SP140: variants seen among roughly 807,000 people sequenced by gnomAD.
SP140 encodes SP140 nuclear body protein, also known as nuclear body protein SP140.
SP140 carries 81 observed loss-of-function variants against 125.0 expected under a neutral mutation model. The ratio of observed to expected loss-of-function variants is 0.65; its 90% CI spans 0.54 to 0.78. The LOEUF (loss-of-function observed/expected upper bound fraction) is 0.78. SP140 is among the 30% of genes least tolerant of loss of function. SP140 has a pLI of 0.00. For synonymous variants in SP140, 312 were observed against 354.0 expected, an observed-to-expected ratio of 0.88 and a Z score of 1.33; for missense variants, 858 against 1,037.0, an observed-to-expected ratio of 0.83 and a Z score of 2.37.
chr2:230,215,256 C>T lies in SP140; in HGVS notation c.-91+1182C>T, dbSNP rs2044981770. 1.4e-5 allele frequency: 10 copies of T among 718,734 alleles called. No individual in the cohort carries two copies. In the Admixed American group the frequency reaches 2.7e-4, roughly 19 times the overall value. The allele number at this position is 718,734 out of a possible 1,614,324, so 44.5% of individuals were successfully genotyped here. A position where few individuals can be genotyped will look rare whatever the true frequency, so the allele number is the denominator to read the frequency against. On this transcript the variant is annotated intron_variant, in intron 3 of 4. Coordinates refer to the SP140 transcript ENST00000456542. Reference sequence around the variant, plus strand: ...TCAACATAAAATATATAGTCACATTCTCTAAGGTAGAGCGGTCACAGTTTT... The same window carrying T: ...TCAACATAAAATATATAGTCACATTTTCTAAGGTAGAGCGGTCACAGTTTT...
chr2:230,301,321 A>G (rs1228379346), intron 22 of SP140, among the ~76,000 whole-genome samples: 1 of 152,214 alleles, frequency 6.6e-6, no homozygotes, highest in African/African-American at 2.4e-5. Flanking sequence ...CAAAAAGATA[A>G]TCACTCAGGC....
intron 3 of SP140, among the ~76,000 whole-genome samples, chr2:230,240,564 A>G (rs1442423253): frequency 6.7e-6 from 1 of 149,330 alleles, no homozygotes; most frequent in Non-Finnish European, 1.5e-5. Flanking sequence ...TATAAAGTGT[A>G]TGACATTATT....
chr2:230,239,163 A>G, intron 3 of SP140: 2 of 674,748 alleles, frequency 3.0e-6, no homozygotes, highest in Non-Finnish European at 4.1e-6. Flanking sequence ...TTGTTTTCAT[A>G]TTATGATACA....
intron 3 of SP140, 133 bp from the exon 4 acceptor site, chr2:230,241,271 A>G (rs140739193): frequency 3.0e-6 from 2 of 658,744 alleles, no homozygotes. Flanking sequence ...AATGAAAAAA[A>G]GGGGAACAAG....
upstream of SP140, chr2:230,201,052 G>A (rs2043136044): frequency 9.8e-7 from 1 of 1,020,758 alleles, no homozygotes; most frequent in South Asian, 1.3e-5. Context: ...TGCACACTCT[G>A]AAGTTGAGTC....
chr2:230,203,096 T>A, upstream of SP140: 1 of 317,816 alleles, frequency 3.1e-6, no homozygotes, highest in South Asian at 3.0e-5. Context: ...CCTCTCCAGG[T>A]TCCCCCACGG....
At chr2:230,218,006 G>C (rs2148960903) in intron 3 of SP140, among the ~76,000 whole-genome samples, 1 of 152,326 alleles carries the variant, frequency 6.6e-6, no homozygotes, top group Non-Finnish European at 1.5e-5. Context: ...TCATGTCTCA[G>C]ACATGCGCCT....
At chr2:230,289,662 A>G (rs1349419331) in intron 18 of SP140, among the ~76,000 whole-genome samples, 1 of 152,142 alleles carries the variant, frequency 6.6e-6, no homozygotes, top group Non-Finnish European at 1.5e-5. Context: ...TTTGGTAGAG[A>G]TGGAGTTTCG....
intron 3 of SP140, among the ~76,000 whole-genome samples, chr2:230,240,465 T>G (rs1430815841): frequency 1.3e-5 from 2 of 152,102 alleles, no homozygotes. Context: ...TATAAATGAA[T>G]AATAAAAGGA....
chr2:230,310,390 T>A, intron 23 of SP140: 2 of 495,668 alleles, frequency 4.0e-6, no homozygotes, highest in Admixed American at 3.4e-5. Context: ...GGAAGCACGA[T>A]CTCATTGGGC....
chr2:230,305,612 G>A (rs936122801), intron 22 of SP140, among the ~76,000 whole-genome samples: 6 of 152,238 alleles, frequency 3.9e-5, no homozygotes, highest in Non-Finnish European at 8.8e-5. Context: ...TGAGCAGAGA[G>A]AGGTCCCAAG....
At chr2:230,278,857 A>G (rs910449739) in intron 15 of SP140, among the ~76,000 whole-genome samples, 4 of 152,062 alleles carry the variant, frequency 2.6e-5, no homozygotes, top group African/African-American at 7.2e-5. Flanking sequence ...CAGAGCAAGT[A>G]AGAAAGAAAG....
In SP140 at chr2:230,263,279, C is replaced by A. The variant is rs142644386; in HGVS notation, c.1241-6253C>A. On this transcript the variant is annotated intron_variant, in intron 12 of 26. Coordinates refer to ENST00000392045, the MANE Select transcript of SP140 (RefSeq NM_007237.5). ...TTTTGTCTAATATAAGAATAGCTAC[C>A]CCTGCTTGCTTTTGGTGTCCTTTTG... is the stretch of plus-strand genomic sequence containing the variant. 6.6e-3 allele frequency among the ~76,000 whole-genome samples: 998 copies of A among 152,158 alleles called. 9 individuals are homozygous for A. Among genetic ancestry groups the A allele is most frequent in the Non-Finnish European group, 9.2e-3 (628 of 67,986 alleles).
rs368447003 is a variant in SP140, at chr2:230,246,721, A to G, written c.742+781A>G. Among the ~76,000 whole-genome samples, 9 of 152,314 alleles carry G rather than the reference A, an allele frequency of 5.9e-5. No homozygotes were observed. In the East Asian group the frequency reaches 1.7e-3, roughly 29 times the overall value. ...ACAGAAAGCTAATTAGAGAGAACAG[A>G]TAGAGGCATGGAAATGAGCACCATG... On this transcript the variant is annotated intron_variant, in intron 7 of 26. Transcript: ENST00000392045.
At position 230,225,817 on chromosome 2, in the gene SP140, G is replaced by T. The variant is rs182651769; in HGVS notation, c.-28G>T. 6.7e-4 allele frequency: 1,078 copies of T among 1,607,754 alleles called. 3 individuals carry two copies. In the African/African-American group the frequency reaches 0.011, roughly 16 times the overall value. ...AGGAAGGAACGGGGCAGTGAAAATC[G>T]AATCGGGTGTGATCCTAGGCCAAGC... is the stretch of plus-strand genomic sequence containing the variant. On this transcript the variant is annotated 5_prime_UTR_variant, in exon 1 of 27. Coordinates refer to ENST00000392045, the MANE Select transcript of SP140 (RefSeq NM_007237.5).
At chr2:230,209,924 T>C (rs1467683356) in intron 1 of SP140, 1 of 1,564,116 alleles carries the variant, frequency 6.4e-7, no homozygotes, top group Non-Finnish European at 8.8e-7. Context: ...AGAAAGGCTT[T>C]TCTTACCTTT....
intron 4 of SP140, among the ~76,000 whole-genome samples, chr2:230,241,900 A>C (rs1229694098): frequency 6.6e-6 from 1 of 152,206 alleles, no homozygotes; most frequent in East Asian, 1.9e-4. Flanking sequence ...GATTCAGGTG[A>C]GAGATATTCC....
At chr2:230,278,166 T>C (rs1291486624) in intron 15 of SP140, among the ~76,000 whole-genome samples, 5 of 152,168 alleles carry the variant, frequency 3.3e-5, no homozygotes, top group African/African-American at 1.2e-4. Context: ...TTTTTGCTAA[T>C]AGCTATCCTA....
chr2:230,253,235 G>T, intron 10 of SP140, 81 bp from the exon 11 acceptor site: 1 of 952,182 alleles, frequency 1.1e-6, no homozygotes, highest in East Asian at 2.4e-5. Context: ...ACAAGACAGG[G>T]GTGGCTCTTA....
Sources: allele counts gnomAD v4.1 joint callset (sites outside exome capture counted in the v4.1 genomes callset), GRCh38; gene constraint gnomAD v4.1.1; transcripts MANE v1.5; gene names NCBI Gene and HGNC (gene_info 2026-07-23, HGNC 2026-07-21).